Variants in CORO1C observed in about 807,000 individuals in gnomAD.
CORO1C encodes the protein coronin 1C, also known as coronin-1C.
Under a neutral mutation model 51.2 loss-of-function variants are expected in CORO1C, and 14 were observed. The ratio of observed to expected loss-of-function variants is 0.27; its 90% confidence interval spans 0.18 to 0.43. The LOEUF (loss-of-function observed/expected upper bound fraction) is 0.43. CORO1C is among the 20% of genes least tolerant of loss of function. The pLI is 1.00. For synonymous variants in CORO1C, 181 were observed against 210.5 expected (o/e 0.86, Z 1.21); for missense variants, 417 against 607.8 (o/e 0.69, Z 3.30).
At chr12:108,706,028 A>G (rs1313806568) in intron 1 of CORO1C, among the ~76,000 whole-genome samples, 1 of 151,968 alleles carries the variant, frequency 6.6e-6, no homozygotes, top group Non-Finnish European at 1.5e-5. Flanking sequence ...CTCTACTAAA[A>G]ATACAGAAGT....
intron 1 of CORO1C, among the ~76,000 whole-genome samples, chr12:108,726,176 G>A (rs1419727202): frequency 6.6e-6 from 1 of 152,060 alleles, no homozygotes; most frequent in Non-Finnish European, 1.5e-5. Flanking sequence ...AACATAATCT[G>A]GGAGGCCGAG....
In CORO1C at chr12:108,657,409, T is replaced by C; in HGVS notation, c.645A>G (p.Ala215=). 3 of 1,613,096 alleles carry C rather than the reference T, an allele frequency of 1.9e-6. No homozygotes were observed. The highest frequency in any genetic ancestry group is 2.5e-6 in the Non-Finnish European group (3 of 1,179,470). The change falls in exon 6 of 11, where the codon GCA becomes GCG. Residue 215 remains alanine, a synonymous_variant. Transcript: ENST00000261401. ...CTCTCATGGGTCTTGCTCCTTCATG[T>C]GCTTTCTCCTTCTCCTGGAGAGCAA... The part of the protein sequence containing the change: ...KQEIVAEKEK[A]HEGARPMRAI...
intron 6 of CORO1C, among the ~76,000 whole-genome samples, chr12:108,655,920 C>G (rs1439275039): frequency 2.0e-5 from 3 of 151,310 alleles, no homozygotes; most frequent in Non-Finnish European, 2.9e-5. Context: ...GCCGCCATCC[C>G]GTCTAGGAAG....
Position 108,647,231 on chromosome 12 carries a change from G to A in CORO1C, c.*172C>T, listed in dbSNP as rs1407930314. 7.7e-6 allele frequency: 4 copies of A among 521,946 alleles called. No homozygotes were observed. The highest frequency in any genetic ancestry group is 6.2e-5 in the East Asian group (2 of 32,450). The allele number at this position is 521,946 out of a possible 1,614,324, so 32.3% of individuals were successfully genotyped here. On this transcript the variant is annotated 3_prime_UTR_variant, in exon 11 of 11. Transcript: ENST00000261401. Reference sequence around the variant, plus strand: ...ACGTTTTGTTTCTGCAAATTTGGGAGACAAATTGAGTTCTTACTGGAATGT... The same window carrying A: ...ACGTTTTGTTTCTGCAAATTTGGGAAACAAATTGAGTTCTTACTGGAATGT...
At chr12:108,668,231 T>C (rs909539661) in intron 3 of CORO1C, among the ~76,000 whole-genome samples, 1 of 152,214 alleles carries the variant, frequency 6.6e-6, no homozygotes, top group African/African-American at 2.4e-5. Context: ...CATCAGGGCA[T>C]TCCCAAATGA....
intron 1 of CORO1C, among the ~76,000 whole-genome samples, chr12:108,721,404 A>G (rs1241136939): frequency 6.6e-6 from 1 of 152,142 alleles, no homozygotes; most frequent in African/African-American, 2.4e-5. Flanking sequence ...TGACTCTCCA[A>G]CGCCTGTCTC....
chr12:108,687,067 A>G (rs2136844429), intron 2 of CORO1C, among the ~76,000 whole-genome samples: 1 of 152,314 alleles, frequency 6.6e-6, no homozygotes, highest in East Asian at 1.9e-4. Context: ...AAAATCTTGA[A>G]GTAGCTACAA....
intron 3 of CORO1C, among the ~76,000 whole-genome samples, chr12:108,676,505 C>T (rs1435219811): frequency 6.6e-6 from 1 of 152,146 alleles, no homozygotes; most frequent in African/African-American, 2.4e-5. Flanking sequence ...GGCGCAGTGG[C>T]TCGTGCCTGT....
intron 1 of CORO1C, among the ~76,000 whole-genome samples, chr12:108,726,654 T>TAAA (rs751404095): frequency 8.3e-6 from 1 of 119,954 alleles, no homozygotes; most frequent in African/African-American, 3.1e-5. Flanking sequence ...TACAAAACAT[T>TAAA]AAAAAAAAAA....
intron 2 of CORO1C, among the ~76,000 whole-genome samples, chr12:108,692,496 G>C (rs971252938): frequency 6.6e-6 from 1 of 152,224 alleles, no homozygotes; most frequent in African/African-American, 2.4e-5. Context: ...AAAGACTGTG[G>C]ATCACACAGA....
intron 7 of CORO1C, among the ~76,000 whole-genome samples, 198 bp from the exon 8 acceptor site, chr12:108,652,615 G>A (rs1250737636): frequency 1.3e-5 from 2 of 152,160 alleles, no homozygotes; most frequent in East Asian, 3.8e-4. Context: ...CTTATCAAAT[G>A]CTAGCATGCC....
Position 108,652,302 on chromosome 12 carries a change from C to A in CORO1C, c.971G>T (p.Gly324Val), listed in dbSNP as rs1008226184. 6.2e-7 allele frequency: 1 copy of A among 1,613,982 alleles called. No homozygotes were observed. Among genetic ancestry groups the A allele is most frequent in the Non-Finnish European group, 8.5e-7 (1 of 1,179,916 alleles). Residue 324 changes from glycine to valine, a missense_variant, in exon 8 of 11, where the codon GGA becomes GTA. By Grantham distance (109) the Gly-to-Val change is moderately radical (BLOSUM62 -3). Transcript: ENST00000261401. ...AATCTCACATTTGTTAACATCAAGT[C>A]CCCTCTTGGGCATGTAACCCATCCC... is the stretch of plus-strand genomic sequence containing the variant. ...QRGMGYMPKRGLDVNKCEIAR... is the reference protein window; with the variant it reads ...QRGMGYMPKRVLDVNKCEIAR...
chr12:108,670,197 C>T (rs184693664), intron 3 of CORO1C, among the ~76,000 whole-genome samples: 17 of 152,294 alleles, frequency 1.1e-4, no homozygotes, highest in Admixed American at 5.2e-4. Flanking sequence ...GGAGCAAACA[C>T]CAACAGCCAC....
At position 108,662,129 on chromosome 12, in the gene CORO1C, G is replaced by A; in HGVS notation, c.348C>T (p.Thr116=). The change falls in exon 4 of 11, where the codon ACC becomes ACT. Residue 116 remains threonine, a synonymous_variant. Coordinates refer to ENST00000261401, the MANE Select transcript of CORO1C (RefSeq NM_014325.4). ...MVWQIPENGL[T]LSLTEPVVIL... ...TCACCACAGGTTCAGTCAGGGAAAG[G>A]GTGAGTCCATTTTCTGGGATCTGCC... The A allele has an allele frequency of 6.2e-7, 1 of 1,613,702 alleles. No individual in the cohort carries two copies. The highest frequency in any genetic ancestry group is 8.5e-7 in the Non-Finnish European group (1 of 1,179,686).
intron 6 of CORO1C, among the ~76,000 whole-genome samples, chr12:108,654,803 AGCGATTTTCCT>A (rs1365543761): frequency 6.6e-6 from 1 of 151,780 alleles, no homozygotes; most frequent in African/African-American, 2.4e-5. Context: ...CCCAAGTTCA[AGCGATTTTCCT>A]GCCTCAGCCT....
intron 1 of CORO1C, among the ~76,000 whole-genome samples, chr12:108,714,249 C>T (rs1225019294): frequency 1.3e-5 from 2 of 151,884 alleles, no homozygotes; most frequent in African/African-American, 2.4e-5. Flanking sequence ...ATTAGCAGGG[C>T]GTGGTGGCGC....
At chr12:108,701,472 C>G (rs186129808) in intron 1 of CORO1C, 149 bp from the exon 2 acceptor site, 1 of 1,261,982 alleles carries the variant, frequency 7.9e-7, no homozygotes, top group African/African-American at 1.5e-5. Flanking sequence ...ATCCAAATTT[C>G]TTTTAGCAGC....
chr12:108,719,162 G>A (rs778228023), intron 1 of CORO1C, among the ~76,000 whole-genome samples: 13 of 152,102 alleles, frequency 8.5e-5, no homozygotes, highest in Non-Finnish European at 1.8e-4. Flanking sequence ...TAAATTAATT[G>A]GACATCACAA....
At chr12:108,689,962 T>A (rs569206764) in intron 2 of CORO1C, among the ~76,000 whole-genome samples, 32 of 152,028 alleles carry the variant, frequency 2.1e-4, no homozygotes, top group Admixed American at 1.7e-3. Context: ...TTCAAAGGAG[T>A]CAAAAGCGTA....
Sources: allele counts gnomAD v4.1 joint callset (sites outside exome capture counted in the v4.1 genomes callset), GRCh38; gene constraint gnomAD v4.1.1; transcripts MANE v1.5; gene names NCBI Gene and HGNC (gene_info 2026-07-23, HGNC 2026-07-21).